Variants in DACH2 observed in about 807,000 individuals in gnomAD.
DACH2 encodes the protein dachshund homolog 2.
In DACH2, 17 loss-of-function variants were observed where a neutral mutation model predicts 35.8. The observed-to-expected ratio is 0.48, with a 90% CI of 0.33 to 0.71. The LOEUF (loss-of-function observed/expected upper bound fraction) is 0.71, where lower values mean the gene tolerates loss of function less well. DACH2 is among the 30% of genes least tolerant of loss of function. DACH2 has a pLI of 0.02. For missense variants in DACH2, 469 were observed against 472.7 expected, an observed-to-expected ratio of 0.99 and a Z score of 0.07; for synonymous variants, 195 against 177.3, an observed-to-expected ratio of 1.10 and a Z score of -0.79.
intron 3 of DACH2, among the ~76,000 whole-genome samples, chrX:86,548,606 G>A (rs1253075423): frequency 5.4e-5 from 6 of 111,707 alleles, no homozygotes; most frequent in African/African-American, 2.0e-4. Context: ...ACAAGCTGGG[G>A]AGTATTTATT....
intron 4 of DACH2, among the ~76,000 whole-genome samples, chrX:86,686,476 C>A (rs182429635): frequency 2.6e-3 from 292 of 110,281 alleles, no homozygotes; most frequent in Non-Finnish European, 4.6e-3. Context: ...CGTGACCCAC[C>A]CGCCTCGGCC....
intron 1 of DACH2, among the ~76,000 whole-genome samples, chrX:86,303,128 C>T (rs2034607303): frequency 9.6e-6 from 1 of 103,767 alleles, no homozygotes; most frequent in Admixed American, 1.1e-4. Flanking sequence ...TGTTCTTAAA[C>T]CACTAAGGAT....
intron 2 of DACH2, among the ~76,000 whole-genome samples, chrX:86,442,333 T>C (rs1259187579): frequency 9.4e-6 from 1 of 106,347 alleles, no homozygotes; most frequent in Non-Finnish European, 1.9e-5. Flanking sequence ...TTCAGGTCTT[T>C]TGCTCATTTT....
intron 4 of DACH2, among the ~76,000 whole-genome samples, chrX:86,680,656 T>C (rs1337018250): frequency 9.7e-6 from 1 of 102,856 alleles, no homozygotes; most frequent in East Asian, 3.0e-4. Flanking sequence ...TCATTTCTTT[T>C]TTTTTTTTTT....
At chrX:86,449,625 T>G (rs2037332273) in intron 2 of DACH2, among the ~76,000 whole-genome samples, 1 of 105,436 alleles carries the variant, frequency 9.5e-6, no homozygotes, top group Non-Finnish European at 1.9e-5. Context: ...AGTAGTTTAT[T>G]TTGATTTCTT....
At chrX:86,347,149 A>T (rs889076144) in intron 1 of DACH2, among the ~76,000 whole-genome samples, 2 of 112,207 alleles carry the variant, frequency 1.8e-5, no homozygotes, top group Non-Finnish European at 3.8e-5. Flanking sequence ...TTTTTATTCA[A>T]GAAATTCTAA....
intron 3 of DACH2, among the ~76,000 whole-genome samples, chrX:86,556,878 GA>G (rs2039138660): frequency 9.7e-6 from 1 of 102,878 alleles, no homozygotes; most frequent in Admixed American, 1.1e-4. Context: ...CGGAGGCTGA[GA>G]AGTCTTGCGA....
intron 3 of DACH2, among the ~76,000 whole-genome samples, chrX:86,529,990 C>T (rs2038694354): frequency 9.2e-6 from 1 of 108,738 alleles, no homozygotes; most frequent in Non-Finnish European, 1.9e-5. Context: ...CACACACACA[C>T]ACACACACAC....
At chrX:86,253,677 G>C (rs2033446665) in intron 1 of DACH2, among the ~76,000 whole-genome samples, 1 of 111,469 alleles carries the variant, frequency 9.0e-6, no homozygotes, top group Non-Finnish European at 1.9e-5. Flanking sequence ...TGTGTTATTT[G>C]TGTCTGAAAA....
chrX:86,641,022 C>G (rs912817635), intron 3 of DACH2, among the ~76,000 whole-genome samples: 4 of 112,178 alleles, frequency 3.6e-5, no homozygotes, highest in Non-Finnish European at 7.5e-5. Context: ...CCTAAGAACT[C>G]TAATAACTAA....
chrX:86,304,800 T>G (rs1006118464), intron 1 of DACH2: 12 of 155,341 alleles, frequency 7.7e-5, no homozygotes, highest in Non-Finnish European at 1.4e-4. Context: ...TGCCAGTACT[T>G]TGCAGAGACC....
chrX:86,367,967 C>G (rs2035830179), intron 1 of DACH2, among the ~76,000 whole-genome samples: 1 of 110,987 alleles, frequency 9.0e-6, no homozygotes, highest in South Asian at 3.8e-4. Context: ...TTGGTCTCCT[C>G]ACCTACACAC....
chrX:86,315,296 A>T (rs761061069), intron 1 of DACH2, among the ~76,000 whole-genome samples: 23 of 112,204 alleles, frequency 2.0e-4, no homozygotes, highest in Non-Finnish European at 4.3e-4. Context: ...CCCGCTATTG[A>T]AACCTACTGT....
intron 5 of DACH2, among the ~76,000 whole-genome samples, chrX:86,702,003 C>T (rs2148450264): frequency 9.0e-6 from 1 of 111,607 alleles, no homozygotes; most frequent in South Asian, 3.7e-4. Flanking sequence ...TACACATATA[C>T]ACCTGAACCT....
intron 1 of DACH2, among the ~76,000 whole-genome samples, chrX:86,234,253 A>G (rs2033010318): frequency 1.8e-5 from 2 of 112,055 alleles, no homozygotes; most frequent in Middle Eastern, 4.6e-3. Flanking sequence ...GACCACATCA[A>G]GAAGACTAAA....
intron 1 of DACH2, among the ~76,000 whole-genome samples, chrX:86,254,781 A>AATATATATATATATAT (rs1200745075): frequency 1.8e-4 from 4 of 22,591 alleles, no homozygotes; most frequent in Non-Finnish European, 3.0e-4. Context: ...CAAATAAATA[A>AATATATATATATATAT]ATATATATAT....
At chrX:86,642,017 C>A (rs2040352638) in intron 3 of DACH2, among the ~76,000 whole-genome samples, 1 of 111,749 alleles carries the variant, frequency 8.9e-6, no homozygotes, top group Non-Finnish European at 1.9e-5. Context: ...CTTAAACACA[C>A]AGACCAGTGT....
At chrX:86,686,237 A>T (rs1305948492) in intron 4 of DACH2, among the ~76,000 whole-genome samples, 1 of 110,608 alleles carries the variant, frequency 9.0e-6, no homozygotes, top group Non-Finnish European at 1.9e-5. Flanking sequence ...TTATTTATTT[A>T]TTTATTTATT....
Position 86,490,080 on chromosome X carries a change from C to A in DACH2, c.528-24199C>A, listed in dbSNP as rs139004546. Among the ~76,000 whole-genome samples the A allele has an allele frequency of 6.3e-5, 7 of 111,923 alleles. No individual in the cohort carries two copies. In the East Asian group the frequency reaches 1.7e-3, roughly 27 times the overall value. On this transcript the variant is annotated intron_variant, in intron 2 of 11. Coordinates refer to ENST00000373125, the MANE Select transcript of DACH2 (RefSeq NM_053281.3). ...CTCTTTTTGTCTGCCACCATTTGGA[C>A]GTAGTTGCATCCATGTGCTTTTTTA...
Sources: allele counts gnomAD v4.1 joint callset (sites outside exome capture counted in the v4.1 genomes callset), GRCh38; gene constraint gnomAD v4.1.1; transcripts MANE v1.5; gene names NCBI Gene and HGNC (gene_info 2026-07-23, HGNC 2026-07-21).